Variants in SPAG16 observed in about 807,000 individuals in gnomAD.
SPAG16 encodes sperm associated antigen 16.
SPAG16 carries 86 observed loss-of-function variants against 80.4 expected under a neutral mutation model. That is an observed-to-expected ratio of 1.07 (90% CI 0.90 to 1.28). The LOEUF (loss-of-function observed/expected upper bound fraction) is 1.28. Ranked by LOEUF, SPAG16 falls within the 50% of genes most tolerant of loss-of-function variation. The probability of loss-of-function intolerance (pLI) is 0.00; values close to 1 mark genes in which losing one functional copy is unlikely to be tolerated. For synonymous variants in SPAG16, 294 were observed against 265.9 expected (o/e 1.11, Z -1.03); for missense variants, 870 against 765.3 (o/e 1.14, Z -1.61).
chr2:213,493,743 T>G (rs1393220740), intron 10 of SPAG16, among the ~76,000 whole-genome samples: 3 of 152,188 alleles, frequency 2.0e-5, no homozygotes, highest in Non-Finnish European at 2.9e-5. Flanking sequence ...ACTTGGCTAA[T>G]TTTTGTATTT....
In SPAG16 at chr2:214,101,774, A is replaced by G. The variant is rs149605701; in HGVS notation, c.1528-6422A>G. On this transcript the variant is annotated intron_variant, in intron 13 of 15. Transcript: ENST00000331683. Reference sequence around the variant, plus strand: ...TGTTTTCATCTCTAGAATGTGAATTACAATAGTACCTATCTCCTAGCATTG... The same window carrying G: ...TGTTTTCATCTCTAGAATGTGAATTGCAATAGTACCTATCTCCTAGCATTG... 2.2e-3 allele frequency among the ~76,000 whole-genome samples: 329 copies of G among 152,322 alleles called. 2 individuals are homozygous for G. The highest frequency in any genetic ancestry group is 7.3e-3 in the African/African-American group (305 of 41,580).
chr2:214,140,812 T>G (rs2055312381), intron 14 of SPAG16, among the ~76,000 whole-genome samples: 1 of 151,846 alleles, frequency 6.6e-6, no homozygotes, highest in Admixed American at 6.6e-5. Context: ...ATTTTGGGAA[T>G]TTTGTTATTG....
At chr2:214,313,857 T>C (rs1695500623) in intron 15 of SPAG16, among the ~76,000 whole-genome samples, 3 of 152,116 alleles carry the variant, frequency 2.0e-5, no homozygotes, top group South Asian at 4.1e-4. Flanking sequence ...TAACCGCTTT[T>C]TTTCTTCTAT....
intron 15 of SPAG16, among the ~76,000 whole-genome samples, chr2:214,209,078 A>C (rs2058221556): frequency 1.3e-5 from 2 of 152,026 alleles, no homozygotes; most frequent in African/African-American, 4.8e-5. Context: ...TATTTCTCCC[A>C]ATGCTATCAT....
intron 12 of SPAG16, among the ~76,000 whole-genome samples, chr2:213,933,450 G>T (rs1575589194): frequency 6.6e-6 from 1 of 152,178 alleles, no homozygotes. Flanking sequence ...ACTCCTGGCT[G>T]CTTTTCTTCC....
chr2:214,298,117 C>T (rs1694276351), intron 15 of SPAG16, among the ~76,000 whole-genome samples: 2 of 47,916 alleles, frequency 4.2e-5, no homozygotes, highest in African/African-American at 1.1e-4. Flanking sequence ...TATATATACA[C>T]ACACACACAC....
chr2:214,387,273 A>G (rs1000337694), intron 15 of SPAG16, among the ~76,000 whole-genome samples: 4 of 152,168 alleles, frequency 2.6e-5, no homozygotes, highest in Non-Finnish European at 5.9e-5. Flanking sequence ...ACAAATATTC[A>G]TTGAATTTCT....
chr2:214,256,610 A>G (rs964192376), intron 15 of SPAG16, among the ~76,000 whole-genome samples: 1 of 151,892 alleles, frequency 6.6e-6, no homozygotes, highest in South Asian at 2.1e-4. Context: ...TTACCTGATG[A>G]TTTCAGCACC....
rs2075656888 is a variant in SPAG16, at chr2:213,865,744, A to G, written c.1214+3116A>G. Among the ~76,000 whole-genome samples, 3 of 147,636 alleles carry G rather than the reference A, an allele frequency of 2.0e-5. No homozygotes were observed. In the South Asian group the frequency reaches 6.2e-4, roughly 31 times the overall value. ...TTATATACATATAAATAATATACATATATACATGCACATATATGTGTAAAT... is the reference window on the plus strand; with the variant it reads ...TTATATACATATAAATAATATACATGTATACATGCACATATATGTGTAAAT... On this transcript the variant is annotated intron_variant, in intron 11 of 15. Transcript: ENST00000331683.
chr2:213,835,894 T>C (rs1488422830), intron 10 of SPAG16, among the ~76,000 whole-genome samples: 1 of 152,216 alleles, frequency 6.6e-6, no homozygotes, highest in Non-Finnish European at 1.5e-5. Context: ...TGGGCATGTA[T>C]GTGACATTTT....
At chr2:214,262,300 A>G (rs531138756) in intron 15 of SPAG16, among the ~76,000 whole-genome samples, 97 of 152,262 alleles carry the variant, frequency 6.4e-4, no homozygotes, top group Non-Finnish European at 1.2e-3. Flanking sequence ...TAATTTTTTG[A>G]ACGAGTTTTT....
At chr2:213,682,907 G>A (rs924737906) in intron 10 of SPAG16, among the ~76,000 whole-genome samples, 6 of 152,106 alleles carry the variant, frequency 3.9e-5, no homozygotes, top group African/African-American at 1.4e-4. Context: ...CTGTCAATTT[G>A]TATTGGTTAT....
intron 14 of SPAG16, among the ~76,000 whole-genome samples, chr2:214,110,173 G>T (rs2053592334): frequency 6.6e-6 from 1 of 151,982 alleles, no homozygotes; most frequent in Admixed American, 6.6e-5. Flanking sequence ...AAGGTCTAGG[G>T]TACATGTGCA....
chr2:213,714,436 G>A (rs952905846), intron 10 of SPAG16, among the ~76,000 whole-genome samples: 9 of 152,068 alleles, frequency 5.9e-5, no homozygotes, highest in African/African-American at 1.9e-4. Context: ...TGGCCCTAGA[G>A]GGGAGACAGA....
chr2:213,963,753 C>A (rs2044572920), intron 12 of SPAG16, among the ~76,000 whole-genome samples: 1 of 151,946 alleles, frequency 6.6e-6, no homozygotes, highest in Admixed American at 6.6e-5. Flanking sequence ...ATGAATTTAC[C>A]CTTTTACCAT....
intron 10 of SPAG16, among the ~76,000 whole-genome samples, chr2:213,844,239 G>C (rs973282740): frequency 6.6e-6 from 1 of 152,158 alleles, no homozygotes; most frequent in Non-Finnish European, 1.5e-5. Context: ...AAAGTTAGCG[G>C]GGAAGGAATA....
chr2:213,928,119 G>A (rs10178999), intron 11 of SPAG16, among the ~76,000 whole-genome samples: 13 of 151,800 alleles, frequency 8.6e-5, no homozygotes, highest in African/African-American at 1.5e-4. Context: ...AGATGGAGTC[G>A]CAGTCCCCCA....
chr2:214,157,151 A>T (rs1488035859), intron 15 of SPAG16, among the ~76,000 whole-genome samples: 2 of 152,166 alleles, frequency 1.3e-5, no homozygotes, highest in Non-Finnish European at 2.9e-5. Flanking sequence ...TGGATGCACA[A>T]GTCTATGACT....
At chr2:214,065,312 C>T (rs2050480693) in intron 13 of SPAG16, among the ~76,000 whole-genome samples, 1 of 152,030 alleles carries the variant, frequency 6.6e-6, no homozygotes, top group South Asian at 2.1e-4. Flanking sequence ...ATTTTGACCT[C>T]AAATCGATTA....
Sources: gnomAD v4.1 joint callset for allele counts (sites outside exome capture counted in the v4.1 genomes callset) on GRCh38, gnomAD v4.1.1 for gene constraint, MANE v1.5 for transcripts, NCBI Gene and HGNC (gene_info 2026-07-23, HGNC 2026-07-21) for gene names.